SKAP1: variants seen among roughly 807,000 people sequenced by gnomAD.
SKAP1 encodes the protein src kinase-associated phosphoprotein 1.
A neutral mutation model predicts 58.5 loss-of-function variants in SKAP1; 44 were observed. The observed-to-expected ratio is 0.75, with a 90% confidence interval of 0.59 to 0.97. The LOEUF (loss-of-function observed/expected upper bound fraction) is 0.97. Among genes scored for constraint, SKAP1 ranks in the 50% least tolerant of loss-of-function variants. The pLI is 0.00. For synonymous variants in SKAP1, 127 were observed against 149.7 expected (o/e 0.85, Z 1.11); for missense variants, 390 against 435.2 (o/e 0.90, Z 0.92).
upstream of SKAP1, among the ~76,000 whole-genome samples, chr17:48,434,151 G>C (rs1197857739): frequency 1.3e-5 from 2 of 152,158 alleles, no homozygotes; most frequent in African/African-American, 4.8e-5. Flanking sequence ...TCAGCCTCTC[G>C]GTCCCAACCC....
At chr17:48,317,351 C>A (rs991409730) in intron 4 of SKAP1, among the ~76,000 whole-genome samples, 1 of 152,016 alleles carries the variant, frequency 6.6e-6, no homozygotes, top group African/African-American at 2.4e-5. Context: ...GGGGTCAATT[C>A]CCAAACAGAA....
At chr17:48,217,845 G>A (rs1395879243) in intron 4 of SKAP1, among the ~76,000 whole-genome samples, 1 of 152,186 alleles carries the variant, frequency 6.6e-6, no homozygotes, top group Non-Finnish European at 1.5e-5. Flanking sequence ...TGACTGGGAA[G>A]CTATTGGAAA....
intron 4 of SKAP1, among the ~76,000 whole-genome samples, chr17:48,305,574 T>G (rs553417173): frequency 1.3e-5 from 2 of 152,222 alleles, no homozygotes; most frequent in African/African-American, 4.8e-5. Context: ...GGAGTGATGC[T>G]GGAAAAGATG....
intron 4 of SKAP1, among the ~76,000 whole-genome samples, chr17:48,216,616 A>G (rs1455940068): frequency 6.6e-6 from 1 of 151,846 alleles, no homozygotes; most frequent in Non-Finnish European, 1.5e-5. Context: ...CTCAGCCTCC[A>G]GAGTAGCTGC....
At chr17:48,194,314 C>CA (rs2064594177) in intron 4 of SKAP1, among the ~76,000 whole-genome samples, 1 of 151,556 alleles carries the variant, frequency 6.6e-6, no homozygotes, top group African/African-American at 2.4e-5. Flanking sequence ...CCACCCACAT[C>CA]AAAAAAAGCA....
At chr17:48,352,078 A>AAG (rs1254458604) in intron 3 of SKAP1, among the ~76,000 whole-genome samples, 180 of 144,398 alleles carry the variant, frequency 1.2e-3, no homozygotes, top group African/African-American at 4.7e-3. Flanking sequence ...GAAACAAGAA[A>AAG]AGAGAAAAAA....
chr17:48,202,118 A>C (rs1186369949), intron 4 of SKAP1, among the ~76,000 whole-genome samples: 1 of 152,226 alleles, frequency 6.6e-6, no homozygotes, highest in East Asian at 1.9e-4. Flanking sequence ...CCAAAGCAAA[A>C]GATTTAAGGA....
intron 12 of SKAP1, chr17:48,136,888 C>G (rs144043927): frequency 5.6e-6 from 1 of 177,188 alleles, no homozygotes; most frequent in Admixed American, 5.6e-5. Flanking sequence ...AAGCTGGTCT[C>G]GAACTCCTGA....
At chr17:48,330,821 G>A (rs1346851623) in intron 4 of SKAP1, among the ~76,000 whole-genome samples, 4 of 145,562 alleles carry the variant, frequency 2.7e-5, no homozygotes, top group African/African-American at 9.7e-5. Flanking sequence ...TCCCCAGGGG[G>A]CGGAAAAAAA....
chr17:48,213,257 G>A (rs867896746), intron 4 of SKAP1, among the ~76,000 whole-genome samples: 2 of 149,906 alleles, frequency 1.3e-5, no homozygotes, highest in African/African-American at 4.9e-5. Context: ...TAGGAGAATC[G>A]CTTGAACCCG....
At chr17:48,292,733 G>C (rs1369156103) in intron 4 of SKAP1, among the ~76,000 whole-genome samples, 1 of 152,144 alleles carries the variant, frequency 6.6e-6, no homozygotes, top group Non-Finnish European at 1.5e-5. Flanking sequence ...TTATACTGCA[G>C]GTCTTGACCA....
At chr17:48,421,369 G>A (rs928069707) in intron 1 of SKAP1, among the ~76,000 whole-genome samples, 6 of 150,592 alleles carry the variant, frequency 4.0e-5, no homozygotes, top group South Asian at 4.2e-4. Context: ...GGCACGAGGC[G>A]GGAGGCTCAC....
chr17:48,345,347 C>G (rs1056772160), intron 4 of SKAP1, among the ~76,000 whole-genome samples: 1 of 152,128 alleles, frequency 6.6e-6, no homozygotes, highest in South Asian at 2.1e-4. Context: ...CCCAAATATT[C>G]AAGTAAAATT....
chr17:48,364,399 GGGTGT>G (rs2066976213), intron 2 of SKAP1, among the ~76,000 whole-genome samples: 1 of 152,156 alleles, frequency 6.6e-6, no homozygotes, highest in Non-Finnish European at 1.5e-5. Context: ...AACATGGGCC[GGGTGT>G]GGTGGCTCAC....
At chr17:48,282,709 G>A (rs1488087203) in intron 4 of SKAP1, among the ~76,000 whole-genome samples, 2 of 152,070 alleles carry the variant, frequency 1.3e-5, no homozygotes, top group East Asian at 1.9e-4. Context: ...AGGAGGTCAA[G>A]GTTGCAGTGA....
At chr17:48,204,968 T>C (rs2064777409) in intron 4 of SKAP1, among the ~76,000 whole-genome samples, 1 of 62,402 alleles carries the variant, frequency 1.6e-5, no homozygotes, top group Non-Finnish European at 3.1e-5. Flanking sequence ...CTTTCTTTTC[T>C]TTTCTTTTCT....
At chr17:48,300,103 CT>C (rs2066038276) in intron 4 of SKAP1, among the ~76,000 whole-genome samples, 1 of 152,158 alleles carries the variant, frequency 6.6e-6, no homozygotes, top group Non-Finnish European at 1.5e-5. Context: ...CCCCTGTGTG[CT>C]CAAGAGTTTC....
At chr17:48,387,043 C>A (rs2067286834) in intron 2 of SKAP1, among the ~76,000 whole-genome samples, 5 of 152,180 alleles carry the variant, frequency 3.3e-5, no homozygotes, top group Admixed American at 2.6e-4. Flanking sequence ...CATATGCCTA[C>A]CAACCTGCTC....
chr17:48,337,756 C>T (rs939441376), intron 4 of SKAP1, among the ~76,000 whole-genome samples: 1 of 152,120 alleles, frequency 6.6e-6, no homozygotes, highest in Non-Finnish European at 1.5e-5. Context: ...GCAAGAGAGA[C>T]ACATGTGTCT....
Sources: gnomAD v4.1 joint callset for allele counts (sites outside exome capture counted in the v4.1 genomes callset) on GRCh38, gnomAD v4.1.1 for gene constraint, MANE v1.5 for transcripts, NCBI Gene and HGNC (gene_info 2026-07-23, HGNC 2026-07-21) for gene names.